The following PCDHGA6 variants were observed in gnomAD, a reference collection of about 807,000 sequenced individuals.
PCDHGA6 encodes the protein protocadherin gamma subfamily A, 6, also known as protocadherin gamma-A6.
PCDHGA6 carries 41 observed loss-of-function variants against 60.6 expected under a neutral mutation model. The ratio of observed to expected loss-of-function variants is 0.68; its 90% confidence interval spans 0.53 to 0.88. The LOEUF (loss-of-function observed/expected upper bound fraction) is 0.88. Among genes scored for constraint, PCDHGA6 ranks in the 40% least tolerant of loss-of-function variants. PCDHGA6 has a pLI of 0.00. For synonymous variants in PCDHGA6, 594 were observed against 524.4 expected (o/e 1.13, Z -1.81); for missense variants, 1,312 against 1,203.0 (o/e 1.09, Z -1.34).
In PCDHGA6 at chr5:141,375,160, T is replaced by C. The variant is rs373409677; in HGVS notation, c.1077T>C (p.Ser359=). The part of the protein sequence containing the change: ...VTSGSRTIAE[S]APPGTVIALF... Reference sequence around the variant, plus strand: ...CTGGAAGCAGAACAATTGCTGAAAGTGCACCTCCAGGAACAGTAATCGCCC... The same window carrying C: ...CTGGAAGCAGAACAATTGCTGAAAGCGCACCTCCAGGAACAGTAATCGCCC... The change falls in exon 1 of 4, where the codon AGT becomes AGC. Residue 359 remains serine, a synonymous_variant. Transcript: ENST00000517434. 2 of 1,613,972 alleles carry C rather than the reference T, an allele frequency of 1.2e-6. No individual in the cohort carries two copies. The highest frequency in any genetic ancestry group is 1.7e-6 in the Non-Finnish European group (2 of 1,179,894).
chr5:141,425,127 A>G (rs1353123394), intron 1 of PCDHGA6, among the ~76,000 whole-genome samples: 2 of 152,208 alleles, frequency 1.3e-5, no homozygotes, highest in Non-Finnish European at 2.9e-5. Flanking sequence ...CTTGAAGTCA[A>G]GAAAAATGTT....
At chr5:141,378,061 A>G (rs1285707649) in intron 1 of PCDHGA6, 4 of 152,212 alleles carry the variant, frequency 2.6e-5, no homozygotes, top group African/African-American at 9.7e-5. Flanking sequence ...TCTGACTCAA[A>G]TTCTAAGAAA....
In PCDHGA6 at chr5:141,486,128, G is replaced by C. The variant is rs1447222839; in HGVS notation, c.2425-8679G>C. ...TGAGAGTGAGAATTACTATGAATTT[G>C]ATGTGCGGGCTCGCGATGGGGGTTC... is the stretch of plus-strand genomic sequence containing the variant. On this transcript the variant is annotated intron_variant, in intron 1 of 3. Transcript: ENST00000517434. This position sits in a 1 kb window ranked among gnomAD's most constrained non-coding sequence, Gnocchi z 5.0. 6.2e-7 allele frequency: 1 copy of C among 1,614,066 alleles called. No homozygotes were observed. Among genetic ancestry groups the C allele is most frequent in the Non-Finnish European group, 8.5e-7 (1 of 1,180,034 alleles).
At chr5:141,394,658 A>G (rs755560495) in intron 1 of PCDHGA6, 1 of 1,610,022 alleles carries the variant, frequency 6.2e-7, no homozygotes, top group South Asian at 1.1e-5. Flanking sequence ...GCGAGCCGGG[A>G]CTCTTCTCGG....
chr5:141,487,810 C>G lies in PCDHGA6; in HGVS notation c.2425-6997C>G, dbSNP rs377060474. ...ATTAACCAGAGTTGTCACAGTTTAGCATTGGGGGCGGGTCATGCCTATATC... is the reference window on the plus strand; with the variant it reads ...ATTAACCAGAGTTGTCACAGTTTAGGATTGGGGGCGGGTCATGCCTATATC... On this transcript the variant is annotated intron_variant, in intron 1 of 3. Coordinates refer to ENST00000517434, the MANE Select transcript of PCDHGA6 (RefSeq NM_018919.3). The surrounding 1 kb of genome is among the most constrained non-coding windows in gnomAD (Gnocchi z 5.0). 7.1e-7 allele frequency: 1 copy of G among 1,417,854 alleles called. No homozygotes were observed. The highest frequency in any genetic ancestry group is 2.1e-5 in the Admixed American group (1 of 47,076). The allele number at this position is 1,417,854 out of a possible 1,614,324, so 87.8% of individuals were successfully genotyped here.
Position 141,413,878 on chromosome 5 carries a change from A to G in PCDHGA6, c.2424+37371A>G, listed in dbSNP as rs752517949. ...ATCTGGCACTGTCCTTGTCAGTGTGACTGTCTTCGATGCAAATGACAACGC... is the reference window on the plus strand; with the variant it reads ...ATCTGGCACTGTCCTTGTCAGTGTGGCTGTCTTCGATGCAAATGACAACGC... On this transcript the variant is annotated intron_variant, in intron 1 of 3. Coordinates refer to ENST00000517434, the MANE Select transcript of PCDHGA6 (RefSeq NM_018919.3). 2.5e-6 allele frequency: 4 copies of G among 1,613,272 alleles called. No individual in the cohort carries two copies. The South Asian group carries it at 3.3e-5, about 13-fold the overall frequency.
At chr5:141,423,591 A>G in intron 1 of PCDHGA6, 1 of 1,613,312 alleles carries the variant, frequency 6.2e-7, no homozygotes, top group South Asian at 1.1e-5. Context: ...GCTGTGAGAA[A>G]AGCGAGCCAC....
chr5:141,398,345 C>T (rs1442407908), intron 1 of PCDHGA6: 29 of 1,379,896 alleles, frequency 2.1e-5, no homozygotes, highest in Non-Finnish European at 2.8e-5. Context: ...TCGGAGAAGC[C>T]TTACTTCACC....
chr5:141,490,004 C>A lies in PCDHGA6; in HGVS notation c.2425-4803C>A. The A allele has an allele frequency of 6.2e-7, 1 of 1,614,174 alleles. No homozygotes were observed. The highest frequency in any genetic ancestry group is 1.7e-5 in the Admixed American group (1 of 60,034). On this transcript the variant is annotated intron_variant, in intron 1 of 3. Transcript: ENST00000517434. The surrounding 1 kb of genome is among the most constrained non-coding windows in gnomAD (Gnocchi z 5.4). ...CTACGTGTGGGAATCCCAGAGAATGCACCCATTGGTACTCTGCTGCTCCGC... is the reference window on the plus strand; with the variant it reads ...CTACGTGTGGGAATCCCAGAGAATGAACCCATTGGTACTCTGCTGCTCCGC...
In PCDHGA6 at chr5:141,476,686, C is replaced by T. The variant is rs138480390; in HGVS notation, c.2425-18121C>T. On this transcript the variant is annotated intron_variant, in intron 1 of 3. Coordinates refer to ENST00000517434, the MANE Select transcript of PCDHGA6 (RefSeq NM_018919.3). The surrounding 1 kb of genome is among the most constrained non-coding windows in gnomAD (Gnocchi z 7.6). ...TTCGCGTGCAGACGCGGGAGGACAGCACCAAGTACGCGGAGCTGGTGTTGG... is the reference window on the plus strand; with the variant it reads ...TTCGCGTGCAGACGCGGGAGGACAGTACCAAGTACGCGGAGCTGGTGTTGG... 6.2e-7 allele frequency: 1 copy of T among 1,614,126 alleles called. No homozygotes were observed. The highest frequency in any genetic ancestry group is 1.3e-5 in the African/African-American group (1 of 74,952).
chr5:141,428,199 C>T (rs760718878), intron 1 of PCDHGA6: 28 of 1,364,510 alleles, frequency 2.1e-5, no homozygotes, highest in Non-Finnish European at 2.9e-5. Flanking sequence ...CTCTCTGCGC[C>T]GCTACGCTTC....
intron 1 of PCDHGA6, chr5:141,423,597 G>A: frequency 6.2e-7 from 1 of 1,613,188 alleles, no homozygotes; most frequent in Non-Finnish European, 8.5e-7. Context: ...AGAAAAGCGA[G>A]CCACTCTTGA....
intron 1 of PCDHGA6, chr5:141,414,585 C>CA: frequency 6.2e-7 from 1 of 1,613,968 alleles, no homozygotes; most frequent in East Asian, 2.2e-5. Flanking sequence ...AGAACAACGC[C>CA]AGGGGTGCCT....
chr5:141,394,915 CCT>C, intron 1 of PCDHGA6: 1 of 1,613,774 alleles, frequency 6.2e-7, no homozygotes, highest in South Asian at 1.1e-5. Flanking sequence ...GCTGCCATCT[CCT>C]GTGTCTTCCT....
chr5:141,451,314 G>A (rs1286009420), intron 1 of PCDHGA6, among the ~76,000 whole-genome samples: 1 of 152,218 alleles, frequency 6.6e-6, no homozygotes, highest in Non-Finnish European at 1.5e-5. Context: ...AGCAATTAAA[G>A]TGTCACCTAA....
chr5:141,375,211 T>A lies in PCDHGA6; in HGVS notation c.1128T>A (p.Ser376=). Residue 376 remains serine, a synonymous_variant, in exon 1 of 4, where the codon TCT becomes TCA. Transcript: ENST00000517434. ...IALFQVFDRD[S]GLNGLVTCSI... ...TTTTTCAAGTGTTCGATCGAGACTC[T>A]GGCCTGAATGGCCTGGTAACCTGTT... 1 of 1,614,010 alleles carries A rather than the reference T, an allele frequency of 6.2e-7. No homozygotes were observed. Among genetic ancestry groups the A allele is most frequent in the South Asian group, 1.1e-5 (1 of 91,082 alleles).
chr5:141,476,459 C>T lies in PCDHGA6; in HGVS notation c.2425-18348C>T. On this transcript the variant is annotated intron_variant, in intron 1 of 3. Coordinates refer to ENST00000517434, the MANE Select transcript of PCDHGA6 (RefSeq NM_018919.3). The surrounding 1 kb of genome is among the most constrained non-coding windows in gnomAD (Gnocchi z 7.6). ...AACTCTGGAGTTGGTAGTGGAGAACCCGCTGGAGCTGTTCAGCGTGGAAGT... is the reference window on the plus strand; with the variant it reads ...AACTCTGGAGTTGGTAGTGGAGAACTCGCTGGAGCTGTTCAGCGTGGAAGT... 6.2e-7 allele frequency: 1 copy of T among 1,614,048 alleles called. No individual in the cohort carries two copies. Among genetic ancestry groups the T allele is most frequent in the Non-Finnish European group, 8.5e-7 (1 of 1,180,006 alleles).
chr5:141,457,466 A>C (rs1404739941), intron 1 of PCDHGA6, among the ~76,000 whole-genome samples: 1 of 152,356 alleles, frequency 6.6e-6, no homozygotes, highest in East Asian at 1.9e-4. Context: ...ATTCACAGGA[A>C]TAAGCAGGGC....
chr5:141,490,321 G>C lies in PCDHGA6; in HGVS notation c.2425-4486G>C. On this transcript the variant is annotated intron_variant, in intron 1 of 3. Coordinates refer to ENST00000517434, the MANE Select transcript of PCDHGA6 (RefSeq NM_018919.3). The surrounding 1 kb of genome is among the most constrained non-coding windows in gnomAD (Gnocchi z 5.4). ...GGCCTCTTTGGCCAACCCTGTCCTA[G>C]AGAGCACACCAGTGGGCACAGTAGT... 1.2e-6 allele frequency: 2 copies of C among 1,614,220 alleles called. No homozygotes were observed. The highest frequency in any genetic ancestry group is 1.7e-6 in the Non-Finnish European group (2 of 1,180,044).
Sources: gnomAD v4.1 joint callset for allele counts (sites outside exome capture counted in the v4.1 genomes callset) on GRCh38, gnomAD v4.1.1 for gene constraint, Gnocchi (gnomAD v3.1) non-coding constraint, MANE v1.5 for transcripts, NCBI Gene and HGNC (gene_info 2026-07-23, HGNC 2026-07-21) for gene names.